Variants in NLRP6 observed in about 807,000 individuals in gnomAD.
The protein encoded by NLRP6 is NLR family pyrin domain containing 6, also known as NACHT, LRR and PYD domains-containing protein 6.
NLRP6 carries 55 observed loss-of-function variants against 70.9 expected under a neutral mutation model. The observed-to-expected ratio is 0.78, with a 90% CI of 0.62 to 0.97. The LOEUF is 0.97. Among genes scored for constraint, NLRP6 ranks in the 50% least tolerant of loss-of-function variants. The probability of loss-of-function intolerance (pLI) is 0.00; values close to 1 mark genes in which losing one functional copy is unlikely to be tolerated. For missense variants in NLRP6, 1,241 were observed against 1,238.3 expected, an observed-to-expected ratio of 1.00 and a Z score of -0.03; for synonymous variants, 652 against 581.9, an observed-to-expected ratio of 1.12 and a Z score of -1.73.
chr11:278,472 A>C lies in NLRP6; in HGVS notation c.-98A>C. 1 of 1,045,998 alleles carries C rather than the reference A, an allele frequency of 9.6e-7. No homozygotes were observed. The highest frequency in any genetic ancestry group is 1.4e-6 in the Non-Finnish European group (1 of 737,620). 64.8% of individuals were successfully genotyped at this position (1,045,998 alleles called of 1,614,324 possible). ...ACCCGGGGAATGGACCGGGCTGGACAACCTCTAAGACTTGGCTCCAGCTCA... is the reference window on the plus strand; with the variant it reads ...ACCCGGGGAATGGACCGGGCTGGACCACCTCTAAGACTTGGCTCCAGCTCA... On this transcript the variant is annotated 5_prime_UTR_variant, in exon 1 of 8. Coordinates refer to ENST00000534750, the MANE Select transcript of NLRP6 (RefSeq NM_001276700.2). The surrounding 1 kb of genome is among the most constrained non-coding windows in gnomAD (Gnocchi z 4.7).
rs775522416 is a variant in NLRP6 at position 281,069 on chromosome 11, G to C, written c.1335G>C (p.Leu445=). ...GGTTGCAGGGCGACCTGCGCAATCTGTGCCGCCTGGCCCGCGAGGGCGTCC... is the reference window on the plus strand; with the variant it reads ...GGTTGCAGGGCGACCTGCGCAATCTCTGCCGCCTGGCCCGCGAGGGCGTCC... ...GPRLQGDLRN[L]CRLAREGVLG... The change falls in exon 4 of 8, where the codon CTG becomes CTC. Residue 445 remains leucine (L), a synonymous_variant. Coordinates refer to ENST00000534750, the MANE Select transcript of NLRP6 (RefSeq NM_001276700.2). 6.2e-7 allele frequency: 1 copy of C among 1,612,844 alleles called. No individual in the cohort carries two copies. Among genetic ancestry groups the C allele is most frequent in the South Asian group, 1.1e-5 (1 of 91,054 alleles).
chr11:279,279 G>T, intron 1 of NLRP6, 48 bp from the exon 2 acceptor site: 1 of 1,234,322 alleles, frequency 8.1e-7, no homozygotes, highest in Non-Finnish European at 1.0e-6. Context: ...GGCGGGCGGG[G>T]GTCACCCGAG....
Position 282,776 on chromosome 11 carries a change from T to C in NLRP6, c.2177T>C (p.Leu726Pro). ...HPLFQAMTDP[L>P]CHLSSLTLSH... ...CTCTTTCAGGCAATGACTGACCCAC[T>C]GTGCCATCTGAGCAGCCTCACGTGA... The change falls in exon 5 of 8, where the codon CTG becomes CCG. Residue 726 changes from leucine to proline, a missense_variant. Leu to Pro is a moderately conservative substitution (Grantham distance 98). Coordinates refer to ENST00000534750, the MANE Select transcript of NLRP6 (RefSeq NM_001276700.2). The C allele has an allele frequency of 6.2e-7, 1 of 1,613,766 alleles. No homozygotes were observed. Among genetic ancestry groups the C allele is most frequent in the South Asian group, 1.1e-5 (1 of 91,082 alleles).
At position 280,714 on chromosome 11, in the gene NLRP6, G is replaced by A; in HGVS notation, c.980G>A (p.Arg327His). ...ACGGCCCTCCTGCTGGTGACCACGC[G>A]CGCCGCCGCCCCCGGGAGGCTGCAG... ...LPTALLLVTT[R>H]AAAPGRLQGR... The change falls in exon 4 of 8, where the codon CGC becomes CAC. Residue 327 changes from arginine (R) to histidine (H), a missense_variant. By Grantham distance (29) the Arg-to-His change is conservative. Coordinates refer to ENST00000534750, the MANE Select transcript of NLRP6 (RefSeq NM_001276700.2). 6.4e-7 allele frequency: 1 copy of A among 1,572,286 alleles called. No individual in the cohort carries two copies. Among genetic ancestry groups the A allele is most frequent in the Non-Finnish European group, 8.6e-7 (1 of 1,160,764 alleles).
rs1300594196 is a variant in NLRP6, at chr11:281,520, G to T, written c.1786G>T (p.Gly596Trp). 6.2e-7 allele frequency: 1 copy of T among 1,607,354 alleles called. No homozygotes were observed. Among genetic ancestry groups the T allele is most frequent in the Non-Finnish European group, 8.5e-7 (1 of 1,176,492 alleles). The change falls in exon 4 of 8, where the codon GGG becomes TGG. Residue 596 changes from glycine to tryptophan, a missense_variant. Coordinates refer to ENST00000534750, the MANE Select transcript of NLRP6 (RefSeq NM_001276700.2). The part of the protein sequence containing the change: ...CPGVAPEVTE[G>W]AKGLEDTEEP... ...CGGAGTGGCACCAGAGGTGACCGAG[G>T]GGGCCAAAGGGCTCGAGGACACCGA...
At position 281,402 on chromosome 11, in the gene NLRP6, G is replaced by A. The variant is rs1243433434; in HGVS notation, c.1668G>A (p.Met556Ile). The A allele has an allele frequency of 6.2e-7, 1 of 1,609,154 alleles. No individual in the cohort carries two copies. Among genetic ancestry groups the A allele is most frequent in the East Asian group, 2.2e-5 (1 of 44,834 alleles). ...FLFGLLSAER[M>I]RDIERHFGCM... ...TCGGACTGCTGAGCGCGGAGCGGATGCGCGACATCGAGCGCCACTTCGGCT... is the reference window on the plus strand; with the variant it reads ...TCGGACTGCTGAGCGCGGAGCGGATACGCGACATCGAGCGCCACTTCGGCT... Residue 556 changes from methionine (M) to isoleucine (I), a missense_variant, in exon 4 of 8, where the codon ATG (methionine) becomes ATA (isoleucine). By Grantham distance (10) the Met-to-Ile change is conservative. Coordinates refer to ENST00000534750, the MANE Select transcript of NLRP6 (RefSeq NM_001276700.2).
At chr11:279,215 C>A (rs1845429731) in intron 1 of NLRP6, 112 bp from the exon 2 acceptor site, 4 of 935,802 alleles carry the variant, frequency 4.3e-6, no homozygotes, top group Middle Eastern at 3.8e-4. Context: ...CGATGCTTGG[C>A]CCGGGACTCC....
intron 7 of NLRP6, 148 bp from the exon 8 acceptor site, chr11:285,018 T>C: frequency 1.5e-6 from 1 of 659,882 alleles, no homozygotes; most frequent in Non-Finnish European, 2.6e-6. Context: ...ACAGCCAAGC[T>C]GACAGCCCAG....
Position 285,129 on chromosome 11 carries a change from A to G in NLRP6, c.2538-37A>G, listed in dbSNP as rs11246051. 6.0e-3 allele frequency: 9,404 copies of G among 1,554,902 alleles called. 518 individuals are homozygous for G. In the African/African-American group the frequency reaches 0.11, roughly 19 times the overall value. On this transcript the variant is annotated intron_variant, in intron 7 of 7. Coordinates refer to ENST00000534750, the MANE Select transcript of NLRP6 (RefSeq NM_001276700.2). ...CCCCAAGCCCTGGCTGCTTTCCCCC[A>G]CCGCTGACCCCGCTTCTGCTCTGCG... is the stretch of plus-strand genomic sequence containing the variant.
rs199970278 is a variant in NLRP6, at chr11:285,138, C to T, written c.2538-28C>T. The T allele has an allele frequency of 1.3e-5, 21 of 1,564,288 alleles. No homozygotes were observed. In the East Asian group the frequency reaches 3.8e-4, roughly 28 times the overall value. ...CTGGCTGCTTTCCCCCACCGCTGAC[C>T]CCGCTTCTGCTCTGCGTGTGGCTGC... is the stretch of plus-strand genomic sequence containing the variant. On this transcript the variant is annotated intron_variant, in intron 7 of 7. Coordinates refer to ENST00000534750, the MANE Select transcript of NLRP6 (RefSeq NM_001276700.2).
chr11:282,232 C>T (rs1845489910), intron 4 of NLRP6, among the ~76,000 whole-genome samples: 1 of 152,172 alleles, frequency 6.6e-6, no homozygotes, highest in Non-Finnish European at 1.5e-5. Flanking sequence ...TGCCCTGGCT[C>T]CCCCAGCTGG....
In NLRP6 at chr11:278,634, G is replaced by A. The variant is rs773566996; in HGVS notation, c.29+36G>A. The A allele has an allele frequency of 6.4e-7, 1 of 1,555,142 alleles. No homozygotes were observed. Among genetic ancestry groups the A allele is most frequent in the African/African-American group, 1.4e-5 (1 of 71,934 alleles). ...GCCCCAGGGTGGTCACTGGGAACCG[G>A]CTGGTCTCAGCCCTCTGGGGCCTCC... On this transcript the variant is annotated intron_variant, in intron 1 of 7. Coordinates refer to ENST00000534750, the MANE Select transcript of NLRP6 (RefSeq NM_001276700.2). This position sits in a 1 kb window ranked among gnomAD's most constrained non-coding sequence, Gnocchi z 4.7.
In NLRP6 at chr11:281,471, G is replaced by GCAGGGA. The variant is rs1298867057; in HGVS notation, c.1749_1754dup (p.Gln584_Gly585dup). On this transcript the variant is annotated inframe_insertion, in exon 4 of 8. Coordinates refer to ENST00000534750, the MANE Select transcript of NLRP6 (RefSeq NM_001276700.2). ...TGAAGCAGGAGGCCCTGCGGTGGGTGCAGGGACAGGGACAGGGCTGCCCCG... is the reference window on the plus strand; with the variant it reads ...TGAAGCAGGAGGCCCTGCGGTGGGTGCAGGGACAGGGACAGGGACAGGGCTGCCCCG... 1 of 1,598,182 alleles carries GCAGGGA rather than the reference G, an allele frequency of 6.3e-7. No homozygotes were observed. The highest frequency in any genetic ancestry group is 1.3e-5 in the African/African-American group (1 of 74,768).
At chr11:285,043 C>T (rs1845538392) in intron 7 of NLRP6, 123 bp from the exon 8 acceptor site, 3 of 785,122 alleles carry the variant, frequency 3.8e-6, no homozygotes, top group Non-Finnish European at 6.1e-6. Flanking sequence ...TGCCCGCAGC[C>T]CGGCCACCCC....
intron 5 of NLRP6, 110 bp from the exon 6 acceptor site, chr11:284,120 A>C (rs1227206350): frequency 2.9e-5 from 27 of 944,194 alleles, no homozygotes; most frequent in Admixed American, 4.0e-5. Context: ...TGGCACCAAC[A>C]CATCTCTCAG....
Position 284,345 on chromosome 11 carries a change from C to T in NLRP6, c.2314C>T (p.Leu772=), listed in dbSNP as rs371471671. ...CCACAACAGGCTCAGTGAGGCGGGA[C>T]TGCGTATGCTGAGTGAGGGCCTAGC... ...LLHNRLSEAG[L]RMLSEGLAWP... Residue 772 remains leucine (L), a synonymous_variant, in exon 6 of 8, where the codon CTG becomes TTG. Transcript: ENST00000534750. 6.2e-7 allele frequency: 1 copy of T among 1,609,086 alleles called. No individual in the cohort carries two copies. Among genetic ancestry groups the T allele is most frequent in the African/African-American group, 1.3e-5 (1 of 74,892 alleles).
chr11:281,108 G>T lies in NLRP6; in HGVS notation c.1374G>T (p.Ala458=). The change falls in exon 4 of 8, where the codon GCG becomes GCT. Residue 458 remains alanine, a synonymous_variant. Coordinates refer to ENST00000534750, the MANE Select transcript of NLRP6 (RefSeq NM_001276700.2). Reference sequence around the variant, plus strand: ...GCGAGGGCGTCCTCGGACGCAGGGCGCAGTTTGCCGAGAAGGAACTGGAGC... The same window carrying T: ...GCGAGGGCGTCCTCGGACGCAGGGCTCAGTTTGCCGAGAAGGAACTGGAGC... ...LAREGVLGRR[A]QFAEKELEQL... is the part of the protein sequence containing the mutation. The T allele has an allele frequency of 1.2e-6, 2 of 1,612,718 alleles. No homozygotes were observed. The highest frequency in any genetic ancestry group is 1.7e-6 in the Non-Finnish European group (2 of 1,179,740).
At chr11:284,709 G>T in intron 7 of NLRP6, 67 bp downstream of exon 7, 1 of 1,475,552 alleles carries the variant, frequency 6.8e-7, no homozygotes, top group Non-Finnish European at 9.1e-7. Context: ...GAGGGTGCCT[G>T]GGGGCTCCCC....
Position 280,212 on chromosome 11 carries a change from G to A in NLRP6, c.478G>A (p.Glu160Lys), listed in dbSNP as rs1006473633. The change falls in exon 4 of 8, where the codon GAG (glutamate) becomes AAG (lysine). Residue 160 changes from glutamate to lysine, a missense_variant. Glu to Lys is a moderately conservative substitution (Grantham distance 56, BLOSUM62 1). Transcript: ENST00000534750. ...LLIAPESAAPEEAMGPAEEPE... is the reference protein window; with the variant it reads ...LLIAPESAAPKEAMGPAEEPE... ...CATCGCGCCCGAGAGCGCCGCCCCG[G>A]AGGAGGCGATGGGGCCCGCGGAAGA... 4.5e-6 allele frequency: 7 copies of A among 1,546,480 alleles called. No individual in the cohort carries two copies. The highest frequency in any genetic ancestry group is 2.8e-5 in the African/African-American group (2 of 72,480).
Sources: allele counts gnomAD v4.1 joint callset (sites outside exome capture counted in the v4.1 genomes callset), GRCh38; gene constraint gnomAD v4.1.1; non-coding constraint Gnocchi (gnomAD v3.1); transcripts MANE v1.5; gene names NCBI Gene and HGNC (gene_info 2026-07-23, HGNC 2026-07-21).